FHOD3: variants seen among roughly 807,000 people sequenced by gnomAD.
The protein encoded by FHOD3 is FH1/FH2 domain-containing protein 3.
In FHOD3, 90 loss-of-function variants were observed where a neutral mutation model predicts 173.0. The ratio of observed to expected loss-of-function variants is 0.52; its 90% CI spans 0.44 to 0.62. The LOEUF (loss-of-function observed/expected upper bound fraction) is 0.62. FHOD3 is among the 20% of genes least tolerant of loss of function. The pLI is 0.00. For synonymous variants in FHOD3, 828 were observed against 823.0 expected, an observed-to-expected ratio of 1.01 and a Z score of -0.10; for missense variants, 1,945 against 2,034.7, an observed-to-expected ratio of 0.96 and a Z score of 0.85.
chr18:36,532,237 C>G (rs575879784), intron 5 of FHOD3, among the ~76,000 whole-genome samples: 1 of 152,214 alleles, frequency 6.6e-6, no homozygotes, highest in Admixed American at 6.5e-5. Flanking sequence ...TATGGAGTAT[C>G]TCTTTCTCAG....
chr18:36,659,088 G>A (rs373563523), intron 14 of FHOD3, among the ~76,000 whole-genome samples: 1 of 152,136 alleles, frequency 6.6e-6, no homozygotes, highest in South Asian at 2.1e-4. Flanking sequence ...AGCAACCTGC[G>A]TTCCACATTT....
At chr18:36,755,408 T>A in intron 25 of FHOD3, 97 bp downstream of exon 25, 2 of 604,430 alleles carry the variant, frequency 3.3e-6, no homozygotes, top group Non-Finnish European at 4.4e-6. Flanking sequence ...TTTTTTTTTT[T>A]TTTTTTTTTT....
intron 11 of FHOD3, 133 bp from the exon 12 acceptor site, chr18:36,652,437 A>G (rs2036121927): frequency 8.5e-7 from 1 of 1,172,410 alleles, no homozygotes; most frequent in Non-Finnish European, 1.2e-6. Context: ...AGTTCAAGAA[A>G]CACAGCTTGA....
rs1360544654 is a variant in FHOD3, at chr18:36,681,494, G to A, written c.1894G>A (p.Ala632Thr). Reference sequence around the variant, plus strand: ...CAGGCAGCACCAAGAGTCACTGGCAGCAGAGAGAGAGAGGCGGCGGCAGGA... The same window carrying A: ...CAGGCAGCACCAAGAGTCACTGGCAACAGAGAGAGAGAGGCGGCGGCAGGA... ...SFRQHQESLA[A>T]ERERRRQERE... Residue 632 changes from alanine to threonine, a missense_variant, in exon 15 of 29, where the codon GCA becomes ACA. Physicochemically the swap from Ala to Thr is moderately conservative, Grantham distance 58. This residue lies in a region of FHOD3 where 1,099 missense variants were observed against 1,051.2 expected (regional missense o/e 1.05). Coordinates refer to ENST00000590592, the MANE Select transcript of FHOD3 (RefSeq NM_001281740.3). 5 of 1,613,972 alleles carry A rather than the reference G, an allele frequency of 3.1e-6. No individual in the cohort carries two copies. Among genetic ancestry groups the A allele is most frequent in the Non-Finnish European group, 4.2e-6 (5 of 1,179,914 alleles).
At chr18:36,449,427 C>T (rs1490994797) in intron 3 of FHOD3, among the ~76,000 whole-genome samples, 1 of 152,066 alleles carries the variant, frequency 6.6e-6, no homozygotes, top group Non-Finnish European at 1.5e-5. Context: ...GTATGTTATT[C>T]GTGTGGGGTT....
In FHOD3 at chr18:36,679,981, C is replaced by G. The variant is rs2038128815; in HGVS notation, c.1836-1455C>G. Among the ~76,000 whole-genome samples, 4 of 152,150 alleles carry G rather than the reference C, an allele frequency of 2.6e-5. No individual in the cohort carries two copies. The South Asian group carries it at 8.3e-4, about 32-fold the overall frequency. Reference sequence around the variant, plus strand: ...AAGAGGTATTACAAACCTCTTTACTCTGATTGTTGATTAGGTTTGGCTGGA... The same window carrying G: ...AAGAGGTATTACAAACCTCTTTACTGTGATTGTTGATTAGGTTTGGCTGGA... On this transcript the variant is annotated intron_variant, in intron 14 of 28. Transcript: ENST00000590592.
rs564061744 is a variant in FHOD3, at chr18:36,424,652, G to A, written c.337+51908G>A. On this transcript the variant is annotated intron_variant, in intron 3 of 28. Transcript: ENST00000590592. ...TAACTATATTCTGTTGTAAATTAATGTTCTATAATAAAGAATTACAGCAGT... is the reference window on the plus strand; with the variant it reads ...TAACTATATTCTGTTGTAAATTAATATTCTATAATAAAGAATTACAGCAGT... Among the ~76,000 whole-genome samples, 8 of 152,306 alleles carry A rather than the reference G, an allele frequency of 5.3e-5. No individual in the cohort carries two copies. In the South Asian group the frequency reaches 1.7e-3, roughly 32 times the overall value.
chr18:36,558,435 AT>A (rs2057972085), intron 5 of FHOD3, among the ~76,000 whole-genome samples: 1 of 152,216 alleles, frequency 6.6e-6, no homozygotes, highest in Non-Finnish European at 1.5e-5. Context: ...AGAAGGGGAA[AT>A]TTGATCTCTA....
intron 5 of FHOD3, among the ~76,000 whole-genome samples, chr18:36,516,003 A>C (rs997748043): frequency 1.3e-5 from 2 of 152,242 alleles, no homozygotes; most frequent in Non-Finnish European, 2.9e-5. Flanking sequence ...AGGGATGGAA[A>C]TGACACATTT....
intron 13 of FHOD3, among the ~76,000 whole-genome samples, chr18:36,657,137 C>G (rs1254351102): frequency 6.6e-6 from 1 of 152,170 alleles, no homozygotes; most frequent in Admixed American, 6.5e-5. Context: ...GCAAGAAGCT[C>G]TTTGTGTCCT....
intron 2 of FHOD3, among the ~76,000 whole-genome samples, chr18:36,371,320 A>AG (rs1427219435): frequency 1.3e-5 from 2 of 152,246 alleles, no homozygotes; most frequent in Non-Finnish European, 2.9e-5. Context: ...TAATTTATAA[A>AG]GAAAAAGAAG....
chr18:36,412,321 G>T (rs1420175261), intron 3 of FHOD3, among the ~76,000 whole-genome samples: 1 of 152,096 alleles, frequency 6.6e-6, no homozygotes, highest in Non-Finnish European at 1.5e-5. Flanking sequence ...TCCTTACCAA[G>T]ATAATTAAAA....
chr18:36,364,445 C>T (rs1050572000), intron 2 of FHOD3, among the ~76,000 whole-genome samples: 6 of 152,136 alleles, frequency 3.9e-5, no homozygotes, highest in African/African-American at 1.4e-4. Context: ...ATGATTTTGG[C>T]CAGACGCTCG....
rs529171100 is a variant in FHOD3, at chr18:36,425,941, C to T, written c.337+53197C>T. Among the ~76,000 whole-genome samples, 265 of 151,326 alleles carry T rather than the reference C, an allele frequency of 1.8e-3. 3 individuals carry two copies. The highest frequency in any genetic ancestry group is 6.0e-3 in the African/African-American group (248 of 41,158). ...TTCGAGACGAAATCTTGCTCTGTAG[C>T]CCAGGCTGGAGTGCAGTGGCGCGAT... On this transcript the variant is annotated intron_variant, in intron 3 of 28. Coordinates refer to ENST00000590592, the MANE Select transcript of FHOD3 (RefSeq NM_001281740.3).
chr18:36,413,061 C>T (rs2049438967), intron 3 of FHOD3, among the ~76,000 whole-genome samples: 1 of 152,200 alleles, frequency 6.6e-6, no homozygotes, highest in Non-Finnish European at 1.5e-5. Context: ...CTGCACCTTT[C>T]CCAGAAACAC....
intron 10 of FHOD3, among the ~76,000 whole-genome samples, chr18:36,638,178 T>C (rs1017132977): frequency 6.6e-6 from 1 of 152,164 alleles, no homozygotes; most frequent in South Asian, 2.1e-4. Context: ...AAAAGTGTGA[T>C]GGGGCTGGTC....
At chr18:36,472,832 T>C (rs995332433) in intron 3 of FHOD3, among the ~76,000 whole-genome samples, 2 of 152,224 alleles carry the variant, frequency 1.3e-5, no homozygotes, top group Non-Finnish European at 2.9e-5. Context: ...ACATTTGGGT[T>C]GTTTCCACTT....
rs1408982430 is a variant in FHOD3, at chr18:36,517,213, TATTTA to T, written c.511+4677_511+4681del. 2.8e-4 allele frequency among the ~76,000 whole-genome samples: 42 copies of T among 152,214 alleles called. 1 individual carries two copies. The highest frequency in any genetic ancestry group is 9.4e-4 in the African/African-American group (39 of 41,450). Reference sequence around the variant, plus strand: ...TCTAAAGTTTTTTTGGGATAGCCAGTATTTAATTTAAGTGTACTGTGAAATTTTGT... The same window carrying T: ...TCTAAAGTTTTTTTGGGATAGCCAGTATTTAAGTGTACTGTGAAATTTTGT... On this transcript the variant is annotated intron_variant, in intron 5 of 28. Coordinates refer to ENST00000590592, the MANE Select transcript of FHOD3 (RefSeq NM_001281740.3).
rs1351983386 is a variant in FHOD3 at position 36,462,287 on chromosome 18, T to TTG, written c.338-39645_338-39644insTG. Among the ~76,000 whole-genome samples, 57 of 149,030 alleles carry TTG rather than the reference T, an allele frequency of 3.8e-4. No homozygotes were observed. The East Asian group carries it at 5.7e-3, about 15-fold the overall frequency. ...CTCCAGCTACCTTCCTTCAGTTCTC[T>TTG]CGTGTGTGTGTGTGTGTGTGTTTGT... On this transcript the variant is annotated intron_variant, in intron 3 of 28. Coordinates refer to ENST00000590592, the MANE Select transcript of FHOD3 (RefSeq NM_001281740.3).
Sources: allele counts gnomAD v4.1 joint callset (sites outside exome capture counted in the v4.1 genomes callset), GRCh38; gene constraint gnomAD v4.1.1; regional missense constraint gnomAD v4.1.1; transcripts MANE v1.5; gene names NCBI Gene and HGNC (gene_info 2026-07-23, HGNC 2026-07-21).